The following CUEDC1 variants were observed in gnomAD, a reference collection of about 807,000 sequenced individuals.
CUEDC1 encodes CUE domain containing 1.
In CUEDC1, 30 loss-of-function variants were observed where a neutral mutation model predicts 43.7. The observed-to-expected ratio is 0.69, with a 90% CI of 0.51 to 0.93. CUEDC1 has a LOEUF of 0.93. CUEDC1 is among the 40% of genes least tolerant of loss of function. The pLI is 0.00. For synonymous variants in CUEDC1, 223 were observed against 223.6 expected, an observed-to-expected ratio of 1.00 and a Z score of 0.02; for missense variants, 486 against 549.0, an observed-to-expected ratio of 0.89 and a Z score of 1.15.
At chr17:57,913,580 G>C (rs1006288214) in intron 1 of CUEDC1, among the ~76,000 whole-genome samples, 3 of 152,158 alleles carry the variant, frequency 2.0e-5, no homozygotes, top group Non-Finnish European at 4.4e-5. Flanking sequence ...AGGAGTGCAG[G>C]GAGGAGCAGA....
chr17:57,930,237 T>G lies in CUEDC1; in HGVS notation c.-316+24988A>C, dbSNP rs931517554. Among the ~76,000 whole-genome samples the G allele has an allele frequency of 6.6e-6, 1 of 152,252 alleles. No homozygotes were observed. The highest frequency in any genetic ancestry group is 2.4e-5 in the African/African-American group (1 of 41,468). On this transcript the variant is annotated intron_variant, in intron 1 of 10. Coordinates refer to ENST00000577830, the MANE Select transcript of CUEDC1 (RefSeq NM_001271875.2). The surrounding 1 kb of genome is among the most constrained non-coding windows in gnomAD (Gnocchi z 4.2). ...TGTCAGCGCTGCTGGTCTAGGGACC[T>G]GACTTTGGGTAGCAAGTCTCCAACT...
chr17:57,928,201 G>C (rs1449044033), intron 1 of CUEDC1, among the ~76,000 whole-genome samples: 5 of 152,136 alleles, frequency 3.3e-5, no homozygotes, highest in African/African-American at 1.2e-4. Context: ...TTTTGGGAGG[G>C]GTGTCAAAGT....
At chr17:57,915,843 G>A (rs778228162) in intron 1 of CUEDC1, among the ~76,000 whole-genome samples, 1 of 152,308 alleles carries the variant, frequency 6.6e-6, no homozygotes, top group South Asian at 2.1e-4. Flanking sequence ...GCCTCAGGGG[G>A]CTGTTATGAT....
intron 2 of CUEDC1, among the ~76,000 whole-genome samples, chr17:57,880,076 G>A (rs1226881695): frequency 6.6e-6 from 1 of 152,118 alleles, no homozygotes; most frequent in Non-Finnish European, 1.5e-5. Flanking sequence ...TGCCCTCTGT[G>A]GAGCGGGTAA....
chr17:57,869,064 G>T, intron 7 of CUEDC1, 58 bp downstream of exon 7: 1 of 1,572,716 alleles, frequency 6.4e-7, no homozygotes, highest in Non-Finnish European at 8.7e-7. Context: ...CTCCTGGGAG[G>T]CCACAGGGCC....
At chr17:57,922,576 A>G (rs1341815741) in intron 1 of CUEDC1, 1 of 152,212 alleles carries the variant, frequency 6.6e-6, no homozygotes, top group African/African-American at 2.4e-5. Flanking sequence ...AGTAATGGCA[A>G]AAGAAGCCTC....
Position 57,885,330 on chromosome 17 carries a change from C to A in CUEDC1, c.235G>T (p.Ala79Ser). The A allele has an allele frequency of 6.2e-7, 1 of 1,611,768 alleles. No homozygotes were observed. The highest frequency in any genetic ancestry group is 8.5e-7 in the Non-Finnish European group (1 of 1,179,582). Residue 79 changes from alanine (A) to serine (S), a missense_variant, in exon 2 of 11, where the codon GCC becomes TCC. Ala to Ser is a moderately conservative substitution (Grantham distance 99). Coordinates refer to ENST00000577830, the MANE Select transcript of CUEDC1 (RefSeq NM_001271875.2). ...ATCTGCAGCAGCTGGTCGATGGTGG[C>A]GTCCACAGCGCCGCTGTTGGCGCGC... Reference protein sequence around the residue: ...VLRANSGAVDATIDQLLQMNL... With the variant: ...VLRANSGAVDSTIDQLLQMNL...
chr17:57,915,305 C>G (rs2143080598), intron 1 of CUEDC1, among the ~76,000 whole-genome samples: 1 of 145,710 alleles, frequency 6.9e-6, no homozygotes, highest in Admixed American at 6.7e-5. Context: ...AGGCAGGAGA[C>G]TGGACAATTT....
intron 1 of CUEDC1, among the ~76,000 whole-genome samples, chr17:57,886,994 T>G (rs1483723764): frequency 6.6e-6 from 1 of 151,998 alleles, no homozygotes; most frequent in Non-Finnish European, 1.5e-5. Flanking sequence ...AATTTTTTTT[T>G]GTATTTTTAG....
At chr17:57,874,451 G>A (rs1473795090) in intron 3 of CUEDC1, among the ~76,000 whole-genome samples, 3 of 152,240 alleles carry the variant, frequency 2.0e-5, no homozygotes, top group African/African-American at 7.2e-5. Flanking sequence ...GCTCTTTCCA[G>A]GCCCGTTGTG....
At chr17:57,919,600 C>T (rs148620208) in intron 1 of CUEDC1, among the ~76,000 whole-genome samples, 2 of 152,260 alleles carry the variant, frequency 1.3e-5, no homozygotes, top group East Asian at 1.9e-4. Context: ...GCTTAAGCTC[C>T]CACACCGACA....
chr17:57,949,214 G>T (rs1598029750), intron 1 of CUEDC1, among the ~76,000 whole-genome samples: 1 of 152,150 alleles, frequency 6.6e-6, no homozygotes, highest in African/African-American at 2.4e-5. Context: ...TCCTCTTCTG[G>T]CTGGCAAAGT....
intron 1 of CUEDC1, among the ~76,000 whole-genome samples, chr17:57,931,558 G>T (rs747341830): frequency 6.6e-6 from 1 of 152,128 alleles, no homozygotes; most frequent in Non-Finnish European, 1.5e-5. Flanking sequence ...TGCAGTGGGG[G>T]GAAAGAGAGT....
chr17:57,866,584 A>G, intron 9 of CUEDC1, 40 bp from the exon 10 acceptor site: 1 of 1,607,074 alleles, frequency 6.2e-7, no homozygotes, highest in Non-Finnish European at 8.5e-7. Flanking sequence ...TCTACCCTGC[A>G]GGGCCTCGCT....
chr17:57,881,584 G>A (rs779132517), intron 2 of CUEDC1, among the ~76,000 whole-genome samples: 2 of 152,220 alleles, frequency 1.3e-5, no homozygotes, highest in Non-Finnish European at 2.9e-5. Flanking sequence ...GCAGCCTTGA[G>A]GCCAGCAGTG....
At chr17:57,945,913 T>C (rs776437246) in intron 1 of CUEDC1, among the ~76,000 whole-genome samples, 66 of 151,866 alleles carry the variant, frequency 4.3e-4, no homozygotes, top group Non-Finnish European at 7.5e-4. Context: ...TAATCCCAGC[T>C]ACTCAGGAGG....
At chr17:57,934,599 A>G (rs1327553838) in intron 1 of CUEDC1, among the ~76,000 whole-genome samples, 1 of 151,338 alleles carries the variant, frequency 6.6e-6, no homozygotes, top group East Asian at 1.9e-4. Flanking sequence ...AAAGAAAGAC[A>G]ATATTTGGAT....
intron 1 of CUEDC1, among the ~76,000 whole-genome samples, chr17:57,936,839 T>G (rs1031795886): frequency 2.0e-5 from 3 of 151,454 alleles, no homozygotes; most frequent in African/African-American, 4.9e-5. Context: ...TTTTTTTTTT[T>G]GAAACGGTGT....
chr17:57,866,428 C>G (rs887366878), intron 10 of CUEDC1, 46 bp downstream of exon 10: 3 of 1,581,324 alleles, frequency 1.9e-6, no homozygotes, highest in Middle Eastern at 1.8e-4. Context: ...GTGTGGGGGG[C>G]CCTGGCCTTG....
Sources: allele counts gnomAD v4.1 joint callset (sites outside exome capture counted in the v4.1 genomes callset), GRCh38; gene constraint gnomAD v4.1.1; non-coding constraint Gnocchi (gnomAD v3.1); transcripts MANE v1.5; gene names NCBI Gene and HGNC (gene_info 2026-07-23, HGNC 2026-07-21).